MYOM1: variants seen among roughly 807,000 people sequenced by gnomAD.
MYOM1 encodes myomesin-1.
Under a neutral mutation model 205.3 loss-of-function variants are expected in MYOM1, and 164 were observed. The observed-to-expected ratio is 0.80, with a 90% CI of 0.70 to 0.91. The LOEUF (loss-of-function observed/expected upper bound fraction) is 0.91. MYOM1 is among the 40% of genes least tolerant of loss of function. MYOM1 has a pLI of 0.00. For synonymous variants in MYOM1, 772 were observed against 789.4 expected (o/e 0.98, Z 0.37); for missense variants, 2,011 against 2,127.3 (o/e 0.95, Z 1.08).
chr18:3,077,399 T>C (rs10502311), intron 34 of MYOM1, among the ~76,000 whole-genome samples: 43,176 of 152,084 alleles, frequency 0.28, 6,332 homozygotes, highest in Non-Finnish European at 0.3. Context: ...GTCTAGAGAA[T>C]GCTTAGATAA....
intron 14 of MYOM1, among the ~76,000 whole-genome samples, chr18:3,138,991 C>A (rs2080010910): frequency 6.6e-6 from 1 of 152,132 alleles, no homozygotes; most frequent in African/African-American, 2.4e-5. Flanking sequence ...ACAAAATAGG[C>A]ATGATCTGCC....
At chr18:3,130,370 T>A (rs555549536) in intron 17 of MYOM1, among the ~76,000 whole-genome samples, 6 of 152,266 alleles carry the variant, frequency 3.9e-5, no homozygotes, top group South Asian at 4.1e-4. Context: ...ATGAAAAAGC[T>A]ATATGAGATG....
Position 3,129,696 on chromosome 18 carries a change from T to C in MYOM1, c.2507-177A>G, listed in dbSNP as rs368356581. On this transcript the variant is annotated intron_variant, in intron 17 of 37. Coordinates refer to ENST00000356443, the MANE Select transcript of MYOM1 (RefSeq NM_003803.4). ...TGGAAAGACTACATTTCACACAATA[T>C]ACGCCAAGGAACATTTCACCTTCCC... 53 of 562,504 alleles carry C rather than the reference T, an allele frequency of 9.4e-5. No individual in the cohort carries two copies. In the East Asian group the frequency reaches 1.3e-3, roughly 14 times the overall value. The allele number at this position is 562,504 out of a possible 1,614,324, so 34.8% of individuals were successfully genotyped here.
chr18:3,207,463 G>T (rs1298423260), intron 2 of MYOM1, among the ~76,000 whole-genome samples: 1 of 152,204 alleles, frequency 6.6e-6, no homozygotes, highest in Non-Finnish European at 1.5e-5. Flanking sequence ...GTCAAAGCAG[G>T]TCTTATTAAC....
At chr18:3,093,290 G>T (rs2079252151) in intron 26 of MYOM1, among the ~76,000 whole-genome samples, 1 of 152,126 alleles carries the variant, frequency 6.6e-6, no homozygotes, top group African/African-American at 2.4e-5. Flanking sequence ...TTACACCCAT[G>T]ATAGCACAGG....
chr18:3,190,745 C>T (rs2080892694), intron 3 of MYOM1, among the ~76,000 whole-genome samples: 1 of 152,138 alleles, frequency 6.6e-6, no homozygotes, highest in Non-Finnish European at 1.5e-5. Flanking sequence ...GCTTGGAATT[C>T]TCTATGGAAG....
At chr18:3,073,870 T>G (rs575426289) in intron 36 of MYOM1, among the ~76,000 whole-genome samples, 10 of 152,318 alleles carry the variant, frequency 6.6e-5, no homozygotes, top group Non-Finnish European at 1.5e-4. Flanking sequence ...ACCCTCTCTT[T>G]GCCGAGAGTT....
At chr18:3,136,310 C>T (rs1429694243) in intron 14 of MYOM1, among the ~76,000 whole-genome samples, 1 of 152,134 alleles carries the variant, frequency 6.6e-6, no homozygotes, top group Non-Finnish European at 1.5e-5. Context: ...AAATATGCTA[C>T]TTTAATATTT....
chr18:3,104,930 G>A (rs927301839), intron 22 of MYOM1, among the ~76,000 whole-genome samples: 21 of 151,734 alleles, frequency 1.4e-4, no homozygotes, highest in African/African-American at 5.1e-4. Context: ...TGCATTTTTT[G>A]TAGGGACAGG....
chr18:3,214,920 G>T lies in MYOM1; in HGVS notation c.290+14C>A. The T allele has an allele frequency of 6.4e-7, 1 of 1,562,246 alleles. No individual in the cohort carries two copies. On this transcript the variant is annotated intron_variant, in intron 2 of 37. Coordinates refer to ENST00000356443, the MANE Select transcript of MYOM1 (RefSeq NM_003803.4). ...TCCTGAGGTTGGAAGGTTGGAGGAGGGCGTCCGACATACCCATGGGAGGAG... is the reference window on the plus strand; with the variant it reads ...TCCTGAGGTTGGAAGGTTGGAGGAGTGCGTCCGACATACCCATGGGAGGAG...
intron 1 of MYOM1, among the ~76,000 whole-genome samples, chr18:3,216,304 C>T (rs1662314): frequency 0.015 from 2,312 of 152,206 alleles, 50 homozygotes; most frequent in African/African-American, 0.053. Flanking sequence ...CAGTGGTAAA[C>T]AAAACAGACA....
chr18:3,111,516 T>A (rs962682533), intron 22 of MYOM1, among the ~76,000 whole-genome samples: 1 of 152,146 alleles, frequency 6.6e-6, no homozygotes, highest in African/African-American at 2.4e-5. Context: ...AACTATGGCC[T>A]GTGGGCTAAA....
At chr18:3,140,829 A>C (rs962157254) in intron 14 of MYOM1, among the ~76,000 whole-genome samples, 19 of 152,208 alleles carry the variant, frequency 1.2e-4, no homozygotes, top group African/African-American at 4.3e-4. Flanking sequence ...TTTTGCTATG[A>C]AACTAAAATG....
chr18:3,078,454 G>C (rs1430158457), intron 34 of MYOM1, among the ~76,000 whole-genome samples: 1 of 151,916 alleles, frequency 6.6e-6, no homozygotes, highest in Non-Finnish European at 1.5e-5. Flanking sequence ...TTTAGAGACA[G>C]AATCTTGCTC....
At chr18:3,164,069 C>T (rs79468635) in intron 10 of MYOM1, among the ~76,000 whole-genome samples, 2 of 152,078 alleles carry the variant, frequency 1.3e-5, no homozygotes, top group East Asian at 3.9e-4. Context: ...TGTTACTGGG[C>T]TGGTCTTGAA....
At chr18:3,089,661 C>T in intron 27 of MYOM1, 65 bp from the exon 28 acceptor site, 3 of 1,259,312 alleles carry the variant, frequency 2.4e-6, no homozygotes, top group Non-Finnish European at 3.4e-6. Flanking sequence ...ATGTCAGCCA[C>T]TGCACTAAGT....
chr18:3,205,017 A>C (rs1006773025), intron 2 of MYOM1, among the ~76,000 whole-genome samples: 20 of 152,098 alleles, frequency 1.3e-4, no homozygotes, highest in African/African-American at 3.6e-4. Flanking sequence ...CTGTAAACCC[A>C]TATGTGAAAG....
At chr18:3,239,717 A>G in the MYOM1 span, among the ~76,000 whole-genome samples, 1 of 139,788 alleles carries the variant, frequency 7.2e-6, no homozygotes, top group Admixed American at 7.7e-5. Context: ...TGATGGTACC[A>G]CTGCAGTCTG....
chr18:3,069,635 C>G (rs2078938242), intron 37 of MYOM1, among the ~76,000 whole-genome samples: 1 of 151,920 alleles, frequency 6.6e-6, no homozygotes, highest in South Asian at 2.1e-4. Flanking sequence ...CTTTTGGAAA[C>G]TGTGATTACT....
Sources: gnomAD v4.1 joint callset for allele counts (sites outside exome capture counted in the v4.1 genomes callset) on GRCh38, gnomAD v4.1.1 for gene constraint, MANE v1.5 for transcripts, NCBI Gene and HGNC (gene_info 2026-07-23, HGNC 2026-07-21) for gene names.